The following PLD1 variants were observed in gnomAD, a reference collection of about 807,000 sequenced individuals.
PLD1 encodes phospholipase D1.
A neutral mutation model predicts 137.1 loss-of-function variants in PLD1; 112 were observed. The observed-to-expected ratio is 0.82, with a 90% confidence interval of 0.70 to 0.96. The LOEUF (loss-of-function observed/expected upper bound fraction) is 0.96, where lower values mean the gene tolerates loss of function less well. PLD1 is among the 40% of genes least tolerant of loss of function. PLD1 has a pLI of 0.00. For synonymous variants in PLD1, 431 were observed against 454.7 expected, an observed-to-expected ratio of 0.95 and a Z score of 0.66; for missense variants, 1,321 against 1,342.0, an observed-to-expected ratio of 0.98 and a Z score of 0.24.
intron 1 of PLD1, chr3:171,771,469 TG>T (rs1722347137): frequency 6.6e-6 from 1 of 152,254 alleles, no homozygotes; most frequent in Non-Finnish European, 1.5e-5. Context: ...GACACCGGAC[TG>T]CTGTGAGAAA....
intron 23 of PLD1, among the ~76,000 whole-genome samples, chr3:171,636,294 C>T (rs1317831283): frequency 6.6e-6 from 1 of 151,900 alleles, no homozygotes; most frequent in Non-Finnish European, 1.5e-5. Flanking sequence ...TTCAGATTAG[C>T]TTGTCAATTT....
At chr3:171,634,495 A>G (rs572775963) in intron 23 of PLD1, among the ~76,000 whole-genome samples, 69 of 152,284 alleles carry the variant, frequency 4.5e-4, no homozygotes, top group African/African-American at 1.6e-3. Flanking sequence ...AGACAGAGAT[A>G]ATACTCTGGC....
chr3:171,734,057 C>T (rs984577309), intron 5 of PLD1, among the ~76,000 whole-genome samples: 2 of 152,104 alleles, frequency 1.3e-5, no homozygotes, highest in African/African-American at 4.8e-5. Context: ...ATCATATTGA[C>T]CATGATGTAA....
chr3:171,612,568 G>A lies in PLD1; in HGVS notation c.2729-136C>T, dbSNP rs1732752531. ...TTTCAAGGGAAGATGTGTTTTTAGG[G>A]AGGTGGGGCCCTCCCTAACCCAGGG... On this transcript the variant is annotated intron_variant, in intron 24 of 26. Coordinates refer to ENST00000351298, the MANE Select transcript of PLD1 (RefSeq NM_002662.5). This position sits in a 1 kb window ranked among gnomAD's most constrained non-coding sequence, Gnocchi z 4.1. 3.9e-6 allele frequency: 3 copies of A among 771,186 alleles called. No individual in the cohort carries two copies. Among genetic ancestry groups the A allele is most frequent in the Non-Finnish European group, 6.5e-6 (3 of 464,118 alleles). The allele number at this position is 771,186 out of a possible 1,614,324, so 47.8% of individuals were successfully genotyped here.
chr3:171,800,618 G>T (rs931457852), intron 1 of PLD1, among the ~76,000 whole-genome samples: 1 of 152,280 alleles, frequency 6.6e-6, no homozygotes, highest in African/African-American at 2.4e-5. Flanking sequence ...CTACATCCCT[G>T]GACCCAATCT....
intron 22 of PLD1, chr3:171,643,115 T>C (rs986732548): frequency 2.6e-6 from 1 of 384,148 alleles, no homozygotes. Context: ...GGAAAAGTTA[T>C]AAAATTCGTG....
Position 171,682,168 on chromosome 3 carries a change from A to AAAG in PLD1, c.1868-4475_1868-4474insCTT, listed in dbSNP as rs1241340317. Among the ~76,000 whole-genome samples, 284 of 105,810 alleles carry AAAG rather than the reference A, an allele frequency of 2.7e-3. 4 individuals are homozygous for AAAG. Among genetic ancestry groups the AAAG allele is most frequent in the African/African-American group, 3.1e-3 (84 of 27,048 alleles). 69.4% of individuals were successfully genotyped at this position (105,810 alleles called of 152,430 possible). On this transcript the variant is annotated intron_variant, in intron 16 of 26. Transcript: ENST00000351298. ...AGAAAGAAAGAAAGAAAGAAAGAAAAAGAAAGAAAGAAAGAAAGAAAGGGA... is the reference window on the plus strand; with the variant it reads ...AGAAAGAAAGAAAGAAAGAAAGAAAAAAGAGAAAGAAAGAAAGAAAGAAAGGGA...
chr3:171,645,651 G>A (rs112090891), intron 21 of PLD1, among the ~76,000 whole-genome samples: 9,676 of 151,924 alleles, frequency 0.064, 931 homozygotes, highest in African/African-American at 0.21. Context: ...TTGGGAGTCC[G>A]TGGCAGGTGG....
intron 23 of PLD1, among the ~76,000 whole-genome samples, chr3:171,638,397 C>T (rs1354695552): frequency 6.6e-6 from 1 of 152,112 alleles, no homozygotes; most frequent in Non-Finnish European, 1.5e-5. Context: ...ATGACTGTGA[C>T]ATCATTTGGT....
intron 16 of PLD1, among the ~76,000 whole-genome samples, chr3:171,685,599 G>A (rs1156370550): frequency 6.6e-6 from 1 of 152,128 alleles, no homozygotes; most frequent in African/African-American, 2.4e-5. Flanking sequence ...GATAGAGTCT[G>A]TGCAAAATAA....
intron 17 of PLD1, 93 bp from the exon 18 acceptor site, chr3:171,676,926 G>T (rs1236271123): frequency 1.6e-5 from 12 of 762,868 alleles, no homozygotes; most frequent in East Asian, 1.0e-4. Context: ...AGGAAACGTG[G>T]GTTAGTGCCC....
intron 16 of PLD1, among the ~76,000 whole-genome samples, chr3:171,685,367 A>G (rs958706603): frequency 6.6e-6 from 1 of 152,172 alleles, no homozygotes; most frequent in Non-Finnish European, 1.5e-5. Flanking sequence ...CATCTGCTAA[A>G]CAGGACATGA....
chr3:171,651,445 G>A (rs1461336641), intron 21 of PLD1, among the ~76,000 whole-genome samples: 2 of 151,878 alleles, frequency 1.3e-5, no homozygotes, highest in Non-Finnish European at 2.9e-5. Context: ...TTTTGTGCTT[G>A]GCAAATCCTT....
At chr3:171,644,132 C>T (rs1295105486) in intron 22 of PLD1, among the ~76,000 whole-genome samples, 1 of 152,112 alleles carries the variant, frequency 6.6e-6, no homozygotes, top group East Asian at 1.9e-4. Context: ...CCTCTCCCAC[C>T]TTTCAGAAGG....
intron 25 of PLD1, 122 bp from the exon 26 acceptor site, chr3:171,605,538 T>C (rs1560137325): frequency 7.5e-6 from 5 of 665,468 alleles, no homozygotes; most frequent in Non-Finnish European, 1.1e-5. Flanking sequence ...TGAGAGACCA[T>C]GACCTAGCTA....
chr3:171,745,997 C>T (rs575567682), intron 1 of PLD1, among the ~76,000 whole-genome samples: 5 of 144,576 alleles, frequency 3.5e-5, no homozygotes, highest in East Asian at 4.0e-4. Context: ...CTGGCGCCAC[C>T]GGCCCCGGGC....
intron 8 of PLD1, among the ~76,000 whole-genome samples, chr3:171,717,774 G>C (rs1717785046): frequency 6.6e-6 from 1 of 152,208 alleles, no homozygotes; most frequent in Non-Finnish European, 1.5e-5. Flanking sequence ...TTGAATAGGA[G>C]TGGTGAGAGA....
intron 1 of PLD1, among the ~76,000 whole-genome samples, chr3:171,753,603 C>T (rs1162872789): frequency 6.6e-6 from 1 of 152,168 alleles, no homozygotes; most frequent in Non-Finnish European, 1.5e-5. Context: ...GGCAGAATCT[C>T]TCAATGTCCC....
intron 23 of PLD1, among the ~76,000 whole-genome samples, chr3:171,627,185 C>CA (rs1222816216): frequency 7.3e-5 from 11 of 150,950 alleles, no homozygotes; most frequent in East Asian, 5.8e-4. Context: ...AAATGGAAAA[C>CA]AAAAAAAAGG....
Sources: gnomAD v4.1 joint callset for allele counts (sites outside exome capture counted in the v4.1 genomes callset) on GRCh38, gnomAD v4.1.1 for gene constraint, Gnocchi (gnomAD v3.1) non-coding constraint, MANE v1.5 for transcripts, NCBI Gene and HGNC (gene_info 2026-07-23, HGNC 2026-07-21) for gene names.